The following SPTBN4 variants were observed in gnomAD, a reference collection of about 807,000 sequenced individuals.
SPTBN4 encodes spectrin beta, non-erythrocytic 4, also known as spectrin beta chain, non-erythrocytic 4.
A neutral mutation model predicts 277.8 loss-of-function variants in SPTBN4; 96 were observed. The ratio of observed to expected loss-of-function variants is 0.35; its 90% CI spans 0.29 to 0.41. The LOEUF (loss-of-function observed/expected upper bound fraction) is 0.41, where lower values mean the gene tolerates loss of function less well. Ranked by LOEUF, SPTBN4 falls within the 10% of genes least tolerant of loss-of-function variation. The probability of loss-of-function intolerance (pLI) is 1.00; values close to 1 mark genes in which losing one functional copy is unlikely to be tolerated. For synonymous variants in SPTBN4, 1,481 were observed against 1,580.3 expected (o/e 0.94, Z 1.49); for missense variants, 3,006 against 3,595.7 (o/e 0.84, Z 4.19).
Position 40,567,490 on chromosome 19 carries a change from C to T in SPTBN4, c.6337-173C>T, listed in dbSNP as rs142470233. 3.3e-3 allele frequency among the ~76,000 whole-genome samples: 496 copies of T among 152,188 alleles called. 4 individuals carry two copies. Among genetic ancestry groups the T allele is most frequent in the African/African-American group, 0.011 (475 of 41,530 alleles). ...ATAGGTGTTTGCCGGAGAGAATAGG[C>T]TTTAAGTTCTTGGCAGAGAGCAAAG... On this transcript the variant is annotated intron_variant, in intron 30 of 35. Transcript: ENST00000598249.
rs745552974 is a variant in SPTBN4, at chr19:40,550,273, G to A, written c.4620G>A (p.Gln1540=). The part of the protein sequence containing the change: ...WVQERLPLAM[Q]TERGNGLQAV... ...AGGAGCGGCTGCCACTGGCCATGCA[G>A]ACAGAGCGAGGCAACGGTTTGCAGG... Residue 1540 remains glutamine (Q), a synonymous_variant, in exon 22 of 36, where the codon CAG becomes CAA. Coordinates refer to ENST00000598249, the MANE Select transcript of SPTBN4 (RefSeq NM_020971.3). 20 of 1,613,128 alleles carry A rather than the reference G, an allele frequency of 1.2e-5. No homozygotes were observed. Among genetic ancestry groups the A allele is most frequent in the Non-Finnish European group, 1.3e-5 (15 of 1,180,030 alleles).
chr19:40,561,262 C>T (rs562733251), intron 27 of SPTBN4, among the ~76,000 whole-genome samples: 3 of 152,284 alleles, frequency 2.0e-5, no homozygotes, highest in Admixed American at 2.0e-4. Flanking sequence ...GTCCACCTGC[C>T]TCAGCCTTCC....
At chr19:40,476,802 T>G (rs975586203) in intron 2 of SPTBN4, among the ~76,000 whole-genome samples, 3 of 152,074 alleles carry the variant, frequency 2.0e-5, no homozygotes, top group Non-Finnish European at 2.9e-5. Context: ...TTAGCCAGGA[T>G]GGTTTTGATC....
chr19:40,571,948 T>G, intron 33 of SPTBN4, 71 bp from the exon 34 acceptor site: 92 of 1,466,620 alleles, frequency 6.3e-5, no homozygotes, highest in Non-Finnish European at 7.8e-5. Flanking sequence ...ATTCAGACCT[T>G]GAGGATGTTA....
intron 18 of SPTBN4, among the ~76,000 whole-genome samples, chr19:40,532,134 CT>C (rs2080682233): frequency 6.7e-6 from 1 of 148,442 alleles, no homozygotes; most frequent in African/African-American, 2.5e-5. Context: ...GATATGGGGG[CT>C]TCATTTGATA....
Position 40,560,149 on chromosome 19 carries a change from T to A in SPTBN4, c.5671-10T>A. ...TGGAGGGCTGGCGCCCGACCTGGCATGCCCTTCAGGTACGGCAGCTGCAGG... is the reference window on the plus strand; with the variant it reads ...TGGAGGGCTGGCGCCCGACCTGGCAAGCCCTTCAGGTACGGCAGCTGCAGG... On this transcript the variant is annotated splice_polypyrimidine_tract_variant and intron_variant, in intron 26 of 35. Coordinates refer to ENST00000598249, the MANE Select transcript of SPTBN4 (RefSeq NM_020971.3). This position sits in a 1 kb window ranked among gnomAD's most constrained non-coding sequence, Gnocchi z 5.2. 6.3e-7 allele frequency: 1 copy of A among 1,587,812 alleles called. No homozygotes were observed. Among genetic ancestry groups the A allele is most frequent in the Non-Finnish European group, 8.5e-7 (1 of 1,171,634 alleles).
At chr19:40,551,406 C>T (rs2080916910) in intron 22 of SPTBN4, among the ~76,000 whole-genome samples, 1 of 151,378 alleles carries the variant, frequency 6.6e-6, no homozygotes, top group African/African-American at 2.4e-5. Context: ...CTCTCACACA[C>T]ACACACACAC....
At chr19:40,495,113 C>G (rs1366709072) in intron 6 of SPTBN4, 136 bp downstream of exon 6, 1 of 766,744 alleles carries the variant, frequency 1.3e-6, no homozygotes, top group Non-Finnish European at 2.1e-6. Flanking sequence ...CACACACATA[C>G]AGTTTTCTTT....
At chr19:40,503,768 G>C (rs897261898) in intron 11 of SPTBN4, 62 bp from the exon 12 acceptor site, 1 of 1,511,110 alleles carries the variant, frequency 6.6e-7, no homozygotes, top group African/African-American at 1.4e-5. Flanking sequence ...GGGTCACACA[G>C]GGTCAAGGTA....
chr19:40,499,062 C>T (rs1439933036), intron 7 of SPTBN4, among the ~76,000 whole-genome samples: 8 of 152,014 alleles, frequency 5.3e-5, no homozygotes, highest in Non-Finnish European at 1.5e-5. Context: ...GAGCCTCGCT[C>T]TGTCACTCAG....
chr19:40,560,211 A>G lies in SPTBN4; in HGVS notation c.5723A>G (p.Glu1908Gly), dbSNP rs148005585. 6.2e-7 allele frequency: 1 copy of G among 1,607,034 alleles called. No homozygotes were observed. The highest frequency in any genetic ancestry group is 1.3e-5 in the African/African-American group (1 of 75,058). ...AAQLRTVYAG[E>G]HAEAIASREQ... ...CAGCTGCGGACGGTGTATGCGGGTG[A>G]ACATGCCGAGGCCATCGCTAGCCGG... is the stretch of plus-strand genomic sequence containing the variant. Residue 1908 changes from glutamate to glycine, a missense_variant, in exon 27 of 36, where the codon GAA becomes GGA. Glu to Gly is a moderately conservative substitution (Grantham distance 98, BLOSUM62 -2). Transcript: ENST00000598249. This position sits in a 1 kb window ranked among gnomAD's most constrained non-coding sequence, Gnocchi z 5.2.
chr19:40,494,585 A>T (rs147470749), intron 5 of SPTBN4, among the ~76,000 whole-genome samples: 1 of 151,922 alleles, frequency 6.6e-6, no homozygotes, highest in Non-Finnish European at 1.5e-5. Context: ...ATCTATATAT[A>T]TATCATCTAT....
At position 40,554,604 on chromosome 19, in the gene SPTBN4, C is replaced by A; in HGVS notation, c.5042C>A (p.Ser1681Ter). The A allele has an allele frequency of 1.3e-6, 2 of 1,561,634 alleles. No homozygotes were observed. The highest frequency in any genetic ancestry group is 2.4e-5 in the South Asian group (2 of 83,372). Residue 1681 changes from serine to a stop codon, truncating the protein, a stop_gained, in exon 24 of 36, where the codon TCG becomes TAG. Coordinates refer to ENST00000598249, the MANE Select transcript of SPTBN4 (RefSeq NM_020971.3). LOFTEE classifies it high-confidence loss of function. This position sits in a 1 kb window ranked among gnomAD's most constrained non-coding sequence, Gnocchi z 5.7. The stretch of plus-strand genomic sequence containing the variant: ...TACGAGGAAAGCATCGCGCAGCTGT[C>A]GCGCCAGTGCCGGGCGCTGCTGGAG... Reference protein sequence around the residue: ...ENYEESIAQLSRQCRALLEMG... With the variant: ...ENYEESIAQL
chr19:40,553,409 G>A (rs778044277), intron 22 of SPTBN4, among the ~76,000 whole-genome samples: 2 of 152,152 alleles, frequency 1.3e-5, no homozygotes, highest in Non-Finnish European at 2.9e-5. Flanking sequence ...TTGAGCCCAG[G>A]AGTTTAAAGC....
In SPTBN4 at chr19:40,506,393, C is replaced by A; in HGVS notation, c.1816+7C>A. 1 of 1,608,926 alleles carries A rather than the reference C, an allele frequency of 6.2e-7. No homozygotes were observed. The highest frequency in any genetic ancestry group is 8.5e-7 in the Non-Finnish European group (1 of 1,176,690). On this transcript the variant is annotated splice_region_variant and intron_variant, in intron 13 of 35. Transcript: ENST00000598249. Reference sequence around the variant, plus strand: ...CGCTTCTCCCAGCTGCAGGGTGAGTCTTGGGGCTGGGGCTGGGGCTATGGG... The same window carrying A: ...CGCTTCTCCCAGCTGCAGGGTGAGTATTGGGGCTGGGGCTGGGGCTATGGG...
chr19:40,512,974 G>C lies in SPTBN4; in HGVS notation c.2185G>C (p.Gly729Arg). The C allele has an allele frequency of 2.1e-6, 3 of 1,412,986 alleles. No homozygotes were observed. Among genetic ancestry groups the C allele is most frequent in the Middle Eastern group, 2.3e-4 (1 of 4,316 alleles). 87.5% of individuals were successfully genotyped at this position (1,412,986 alleles called of 1,614,324 possible). A position where few individuals can be genotyped will look rare whatever the true frequency, so the allele number is the denominator to read the frequency against. ...LRCGEELVAAGGAVGPGADTV... is the reference protein window; with the variant it reads ...LRCGEELVAARGAVGPGADTV... ...GTGTGGCGAGGAGCTGGTTGCGGCCGGCGGTGCCGTCGGCCCGGGAGCAGA... is the reference window on the plus strand; with the variant it reads ...GTGTGGCGAGGAGCTGGTTGCGGCCCGCGGTGCCGTCGGCCCGGGAGCAGA... Residue 729 changes from glycine to arginine, a missense_variant, in exon 14 of 36, where the codon GGC (glycine) becomes CGC (arginine). Physicochemically the swap from Gly to Arg is moderately radical, Grantham distance 125. Coordinates refer to ENST00000598249, the MANE Select transcript of SPTBN4 (RefSeq NM_020971.3).
chr19:40,560,199 T>C lies in SPTBN4; in HGVS notation c.5711T>C (p.Val1904Ala). Residue 1904 changes from valine to alanine, a missense_variant, in exon 27 of 36, where the codon GTG (valine) becomes GCG (alanine). Physicochemically the swap from Val to Ala is moderately conservative, Grantham distance 64. This residue lies in a region of SPTBN4 where 425 missense variants were observed against 594.7 expected (regional missense o/e 0.71). Coordinates refer to ENST00000598249, the MANE Select transcript of SPTBN4 (RefSeq NM_020971.3). This position sits in a 1 kb window ranked among gnomAD's most constrained non-coding sequence, Gnocchi z 5.2. ...LQEGAAQLRT[V>A]YAGEHAEAIA... ...GAGGGGGCGGCCCAGCTGCGGACGG[T>C]GTATGCGGGTGAACATGCCGAGGCC... is the stretch of plus-strand genomic sequence containing the variant. 1 of 1,604,058 alleles carries C rather than the reference T, an allele frequency of 6.2e-7. No homozygotes were observed. The highest frequency in any genetic ancestry group is 8.5e-7 in the Non-Finnish European group (1 of 1,179,780).
Position 40,502,321 on chromosome 19 carries a change from G to A in SPTBN4, c.1085+6G>A. 1 of 1,598,894 alleles carries A rather than the reference G, an allele frequency of 6.3e-7. No individual in the cohort carries two copies. Among genetic ancestry groups the A allele is most frequent in the South Asian group, 1.1e-5 (1 of 90,908 alleles). The stretch of plus-strand genomic sequence containing the variant: ...ACGCTGGAGAAGCCTGTCAAGTGAG[G>A]CCCAGCTCTGGAGGGAGGGTGGGCA... On this transcript the variant is annotated splice_donor_region_variant and intron_variant, in intron 9 of 35. Transcript: ENST00000598249. The surrounding 1 kb of genome is among the most constrained non-coding windows in gnomAD (Gnocchi z 4.9).
intron 32 of SPTBN4, among the ~76,000 whole-genome samples, chr19:40,569,967 C>T (rs867238825): frequency 4.4e-4 from 53 of 120,434 alleles, no homozygotes; most frequent in Non-Finnish European, 6.2e-4. Context: ...CACACACACA[C>T]ACACACAGAC....
Sources: allele counts gnomAD v4.1 joint callset (sites outside exome capture counted in the v4.1 genomes callset), GRCh38; gene constraint gnomAD v4.1.1; regional missense constraint gnomAD v4.1.1; non-coding constraint Gnocchi (gnomAD v3.1); transcripts MANE v1.5; gene names NCBI Gene and HGNC (gene_info 2026-07-23, HGNC 2026-07-21).